PFKL: variants seen among roughly 807,000 people sequenced by gnomAD.
PFKL encodes phosphofructokinase, liver type.
A neutral mutation model predicts 92.1 loss-of-function variants in PFKL; 74 were observed. The observed-to-expected ratio is 0.80, with a 90% CI of 0.67 to 0.97. PFKL has a LOEUF of 0.97. Among genes scored for constraint, PFKL ranks in the 50% least tolerant of loss-of-function variants. The pLI is 0.00. For missense variants in PFKL, 1,028 were observed against 1,116.6 expected (o/e 0.92, Z 1.13); for synonymous variants, 494 against 456.4 (o/e 1.08, Z -1.05).
At chr21:44,316,186 T>A in intron 7 of PFKL, 58 bp from the exon 8 acceptor site, 2 of 1,530,778 alleles carry the variant, frequency 1.3e-6, no homozygotes, top group Middle Eastern at 3.4e-4. Context: ...ACCCGGGGGC[T>A]GTGTCCGGGG....
intron 2 of PFKL, among the ~76,000 whole-genome samples, 183 bp from the exon 3 acceptor site, chr21:44,310,823 T>C (rs1264485669): frequency 1.3e-5 from 2 of 151,532 alleles, no homozygotes; most frequent in Non-Finnish European, 2.9e-5. Flanking sequence ...GTGCAGAGGG[T>C]GTCTGGAGCC....
At chr21:44,303,257 A>C (rs965760251) in intron 1 of PFKL, among the ~76,000 whole-genome samples, 50 of 150,936 alleles carry the variant, frequency 3.3e-4, no homozygotes, top group Admixed American at 4.6e-4. Flanking sequence ...AAAAAACCCC[A>C]AAAATCAGCC....
intron 1 of PFKL, chr21:44,305,874 G>A: frequency 7.3e-7 from 1 of 1,365,934 alleles, no homozygotes; most frequent in Non-Finnish European, 9.8e-7. Context: ...GAGGGCAAGG[G>A]GACAGGAAAG....
intron 2 of PFKL, among the ~76,000 whole-genome samples, chr21:44,306,985 C>G (rs896028410): frequency 5.3e-5 from 8 of 152,190 alleles, no homozygotes; most frequent in African/African-American, 1.7e-4. Context: ...TCAGAGGCTG[C>G]AGAGCACGGG....
Position 44,313,653 on chromosome 21 carries a change from C to T in PFKL, c.609C>T (p.Phe203=), listed in dbSNP as rs746545423. The change falls in exon 6 of 22, where the codon TTC becomes TTT. Residue 203 remains phenylalanine (F), a synonymous_variant. Transcript: ENST00000349048. ...TTTAQSHQRT[F]VLEVMGRHCG... ...ATCTCCACAGCCACCAGAGGACCTT[C>T]GTGCTGGAAGTGATGGGCCGGCACT... is the stretch of plus-strand genomic sequence containing the variant. The T allele has an allele frequency of 2.9e-5, 47 of 1,612,132 alleles. No homozygotes were observed. Among genetic ancestry groups the T allele is most frequent in the Middle Eastern group, 1.6e-4 (1 of 6,078 alleles).
chr21:44,304,398 G>C, intron 1 of PFKL: 1 of 1,259,262 alleles, frequency 7.9e-7, no homozygotes, highest in Non-Finnish European at 1.0e-6. Flanking sequence ...TTGGACGGTG[G>C]CCTGGGTGCG....
Position 44,306,028 on chromosome 21 carries a change from G to A in PFKL, c.86-653G>A, listed in dbSNP as rs898409555. On this transcript the variant is annotated intron_variant, in intron 1 of 21. Transcript: ENST00000349048. ...TGTTCTCAGTCCCCCATCTCATTGC[G>A]GAGGAAGGAGCCCAAGCCCCTTCCA... 17 of 1,095,658 alleles carry A rather than the reference G, an allele frequency of 1.6e-5. No individual in the cohort carries two copies. In the Admixed American group the frequency reaches 2.5e-4, roughly 16 times the overall value. 67.9% of individuals were successfully genotyped at this position (1,095,658 alleles called of 1,614,324 possible).
chr21:44,323,956 C>T, intron 16 of PFKL, 38 bp downstream of exon 16: 1 of 1,610,964 alleles, frequency 6.2e-7, no homozygotes, highest in Non-Finnish European at 8.5e-7. Flanking sequence ...CATGCCCAGG[C>T]CCTTGTGGGG....
intron 9 of PFKL, among the ~76,000 whole-genome samples, chr21:44,317,061 G>A (rs917796172): frequency 1.3e-5 from 2 of 152,232 alleles, no homozygotes; most frequent in African/African-American, 4.8e-5. Context: ...GTCTGGCCTG[G>A]CCTCGCCGTC....
At chr21:44,312,442 A>G (rs2243542) in intron 4 of PFKL, 148 bp downstream of exon 4, 563,248 of 687,466 alleles carry the variant, frequency 0.82, 231,641 homozygotes, top group African/African-American at 0.91. Context: ...GGGGAGGAGT[A>G]GTGTCTGCCA....
intron 15 of PFKL, 41 bp from the exon 16 acceptor site, chr21:44,323,725 C>T (rs1209411535): frequency 5.7e-6 from 9 of 1,580,826 alleles, no homozygotes; most frequent in East Asian, 2.3e-5. Context: ...CCACCCTGGC[C>T]TCGGTGCTGC....
At chr21:44,319,145 GC>G (rs1182596215) in intron 10 of PFKL, among the ~76,000 whole-genome samples, 2 of 152,166 alleles carry the variant, frequency 1.3e-5, no homozygotes, top group Admixed American at 6.5e-5. Context: ...GCAGCTGGGG[GC>G]AGGGTAGGGC....
chr21:44,310,991 CA>C lies in PFKL; in HGVS notation c.160-14del. 2.5e-6 allele frequency: 4 copies of C among 1,608,406 alleles called. No homozygotes were observed. Among genetic ancestry groups the C allele is most frequent in the Non-Finnish European group, 3.4e-6 (4 of 1,175,978 alleles). On this transcript the variant is annotated splice_polypyrimidine_tract_variant and intron_variant, in intron 2 of 21. Transcript: ENST00000349048. Reference sequence around the variant, plus strand: ...GGGGTCCCCTATCTCATGCCTGCCCCACTCTTGATTTCAGGGCTATGAGGGC... The same window carrying C: ...GGGGTCCCCTATCTCATGCCTGCCCCCTCTTGATTTCAGGGCTATGAGGGC...
intron 1 of PFKL, among the ~76,000 whole-genome samples, chr21:44,302,652 C>T (rs1160782261): frequency 6.6e-6 from 1 of 152,186 alleles, no homozygotes; most frequent in East Asian, 1.9e-4. Flanking sequence ...ACTTTCTGCC[C>T]CAATGCTGAA....
Position 44,313,897 on chromosome 21 carries a change from G to A in PFKL, c.639-16G>A. The A allele has an allele frequency of 6.4e-7, 1 of 1,562,020 alleles. No individual in the cohort carries two copies. Among genetic ancestry groups the A allele is most frequent in the Non-Finnish European group, 8.7e-7 (1 of 1,153,760 alleles). On this transcript the variant is annotated splice_polypyrimidine_tract_variant and intron_variant, in intron 6 of 21. Transcript: ENST00000349048. ...CTGGGTGGGGGTCCTGAGCAGGCAGGCGCTCGCTCCTCCAGGTACCTGGCG... is the reference window on the plus strand; with the variant it reads ...CTGGGTGGGGGTCCTGAGCAGGCAGACGCTCGCTCCTCCAGGTACCTGGCG...
Position 44,318,906 on chromosome 21 carries a change from C to T in PFKL, c.1062+311C>T, listed in dbSNP as rs743487. ...GGTGGGAGTTGGGGTTACGATGGGA[C>T]GGAGGAGGAGGGGCCAGTGATCAGA... On this transcript the variant is annotated intron_variant, in intron 10 of 21. Coordinates refer to ENST00000349048, the MANE Select transcript of PFKL (RefSeq NM_002626.6). Among the ~76,000 whole-genome samples, 819 of 152,172 alleles carry T rather than the reference C, an allele frequency of 5.4e-3. 6 individuals carry two copies. Among genetic ancestry groups the T allele is most frequent in the African/African-American group, 0.018 (730 of 41,494 alleles).
At position 44,316,226 on chromosome 21, in the gene PFKL, G is replaced by A. The variant is rs776514139; in HGVS notation, c.748-18G>A. On this transcript the variant is annotated intron_variant, in intron 7 of 21. Transcript: ENST00000349048. Reference sequence around the variant, plus strand: ...TTTCCCTGCCTGGCAGCTGAGCCCTGTCGTGTCTTTGACCCAGACTCGGAG... The same window carrying A: ...TTTCCCTGCCTGGCAGCTGAGCCCTATCGTGTCTTTGACCCAGACTCGGAG... 2 of 1,611,346 alleles carry A rather than the reference G, an allele frequency of 1.2e-6. No homozygotes were observed. The highest frequency in any genetic ancestry group is 1.7e-6 in the Non-Finnish European group (2 of 1,178,628).
chr21:44,323,617 A>G (rs546579282), intron 15 of PFKL, 149 bp from the exon 16 acceptor site: 6 of 755,364 alleles, frequency 7.9e-6, no homozygotes, highest in African/African-American at 7.0e-5. Flanking sequence ...GCCCAGCCCC[A>G]GGGGATTGAG....
intron 13 of PFKL, 29 bp downstream of exon 13, chr21:44,321,904 G>T (rs758655937): frequency 8.6e-6 from 13 of 1,515,778 alleles, no homozygotes; most frequent in African/African-American, 2.8e-5. Flanking sequence ...AACAAGTGAG[G>T]ACTTGGGCCT....
Sources: gnomAD v4.1 joint callset for allele counts (sites outside exome capture counted in the v4.1 genomes callset) on GRCh38, gnomAD v4.1.1 for gene constraint, MANE v1.5 for transcripts, NCBI Gene and HGNC (gene_info 2026-07-23, HGNC 2026-07-21) for gene names.